The following ALK variants were observed in gnomAD, a reference collection of about 807,000 sequenced individuals.
The protein encoded by ALK is ALK tyrosine kinase receptor.
A neutral mutation model predicts 163.1 loss-of-function variants in ALK; 74 were observed. The ratio of observed to expected loss-of-function variants is 0.45; its 90% CI spans 0.38 to 0.55. ALK has a LOEUF of 0.55. Ranked by LOEUF, ALK falls within the 20% of genes least tolerant of loss-of-function variation. The probability of loss-of-function intolerance (pLI) is 0.00; values close to 1 mark genes in which losing one functional copy is unlikely to be tolerated. For synonymous variants in ALK, 960 were observed against 843.2 expected, an observed-to-expected ratio of 1.14 and a Z score of -2.40; for missense variants, 2,063 against 2,105.3, an observed-to-expected ratio of 0.98 and a Z score of 0.39.
intron 2 of ALK, among the ~76,000 whole-genome samples, chr2:29,697,535 C>T (rs539502074): frequency 1.7e-4 from 26 of 152,266 alleles, no homozygotes; most frequent in African/African-American, 5.5e-4. Flanking sequence ...TTTGCCATGG[C>T]GGGCTCTCAA....
chr2:29,214,305 C>T (rs761673118), intron 23 of ALK, among the ~76,000 whole-genome samples: 2 of 152,182 alleles, frequency 1.3e-5, no homozygotes, highest in Non-Finnish European at 2.9e-5. Context: ...AGTATTTGTA[C>T]ATTTGAAGTC....
chr2:29,899,047 G>A (rs1181189840), intron 1 of ALK, among the ~76,000 whole-genome samples: 1 of 152,140 alleles, frequency 6.6e-6, no homozygotes, highest in Non-Finnish European at 1.5e-5. Context: ...TCAAATCAAT[G>A]CATTTCAATG....
intron 3 of ALK, among the ~76,000 whole-genome samples, chr2:29,590,293 T>C (rs144876611): frequency 1.0e-3 from 157 of 152,356 alleles, no homozygotes; most frequent in African/African-American, 3.6e-3. Flanking sequence ...TGTATTGCAT[T>C]AATTACTCTA....
At chr2:29,404,053 C>T (rs550970277) in intron 4 of ALK, among the ~76,000 whole-genome samples, 1 of 152,274 alleles carries the variant, frequency 6.6e-6, no homozygotes, top group Admixed American at 6.5e-5. Flanking sequence ...CCTGTAATCC[C>T]AGCACTTTGG....
chr2:29,324,411 A>G (rs548347901), intron 6 of ALK, among the ~76,000 whole-genome samples: 1 of 152,354 alleles, frequency 6.6e-6, no homozygotes, highest in South Asian at 2.1e-4. Flanking sequence ...TCAAAATATT[A>G]CAGTTATCTC....
intron 1 of ALK, among the ~76,000 whole-genome samples, chr2:29,789,055 G>GTGTGTGTC (rs1664121150): frequency 6.7e-6 from 1 of 150,148 alleles, no homozygotes; most frequent in Non-Finnish European, 1.5e-5. Flanking sequence ...GTGTGTGTGT[G>GTGTGTGTC]TCTGTATGCA....
At chr2:29,438,148 C>T (rs1044426622) in intron 4 of ALK, among the ~76,000 whole-genome samples, 7 of 146,984 alleles carry the variant, frequency 4.8e-5, no homozygotes, top group South Asian at 2.2e-4. Context: ...GAAGCAAATA[C>T]CTTAGACTGA....
At position 29,676,654 on chromosome 2, in the gene ALK, A is replaced by C. The variant is rs138409671; in HGVS notation, c.952+18196T>G. On this transcript the variant is annotated intron_variant, in intron 3 of 28. Transcript: ENST00000389048. ...GTCTATTCCAGGTCTTTTCCATATA[A>C]ATTTTAAGTTACGAAATAAAAAAGC... is the stretch of plus-strand genomic sequence containing the variant. Among the ~76,000 whole-genome samples, 1,426 of 152,074 alleles carry C rather than the reference A, an allele frequency of 9.4e-3. 19 individuals carry two copies. Among genetic ancestry groups the C allele is most frequent in the African/African-American group, 0.033 (1,362 of 41,518 alleles).
Position 29,218,967 on chromosome 2 carries a change from G to T in ALK, c.3645+1739C>A, listed in dbSNP as rs549587295. Among the ~76,000 whole-genome samples, 8 of 152,346 alleles carry T rather than the reference G, an allele frequency of 5.3e-5. No individual in the cohort carries two copies. In the South Asian group the frequency reaches 1.7e-3, roughly 32 times the overall value. The stretch of plus-strand genomic sequence containing the variant: ...TTGATAGTTTACAGCTTCCCAGAGG[G>T]GACCACTGGATAAGCAGTAAGTTGG... On this transcript the variant is annotated intron_variant, in intron 23 of 28. Transcript: ENST00000389048.
intron 1 of ALK, among the ~76,000 whole-genome samples, chr2:29,724,386 G>C (rs1319767025): frequency 6.6e-6 from 1 of 152,184 alleles, no homozygotes. Context: ...CAAATAAATA[G>C]TGGTCTGGAT....
chr2:29,265,500 C>T (rs1665199634), intron 11 of ALK, among the ~76,000 whole-genome samples: 1 of 152,302 alleles, frequency 6.6e-6, no homozygotes, highest in South Asian at 2.1e-4. Flanking sequence ...TATTTTGACG[C>T]TCAGGGAGTT....
At chr2:29,847,886 T>G (rs2148398780) in intron 1 of ALK, among the ~76,000 whole-genome samples, 2 of 145,128 alleles carry the variant, frequency 1.4e-5, no homozygotes, top group African/African-American at 5.1e-5. Flanking sequence ...GAGAGGAGGA[T>G]GAGGGTGGGG....
At position 29,920,400 on chromosome 2, in the gene ALK, G is replaced by T; in HGVS notation, c.260C>A (p.Ala87Asp). The T allele has an allele frequency of 6.3e-7, 1 of 1,576,190 alleles. No homozygotes were observed. The change falls in exon 1 of 29, where the codon GCC becomes GAC. Residue 87 changes from alanine (A) to aspartate (D), a missense_variant. Ala to Asp is a moderately radical substitution (Grantham distance 126, BLOSUM62 -2). Around this residue, in one of 5 missense-constraint regions of ALK, gnomAD observed 987 missense variants for 939.5 expected, o/e 1.05. Transcript: ENST00000389048. ...SSELKAGRPE[A>D]RGSLALDCAP... ...GCAGTCCAGAGCTAGCGAGCCGCGG[G>T]CCTCGGGCCTGCCAGCCTTCAGCTC...
At chr2:29,213,598 T>C (rs72852019) in intron 24 of ALK, among the ~76,000 whole-genome samples, 3,361 of 152,308 alleles carry the variant, frequency 0.022, 111 homozygotes, top group African/African-American at 0.071. Flanking sequence ...GAATAACTTA[T>C]AGGTCTCCAG....
At chr2:29,520,662 G>T (rs1290572275) in intron 4 of ALK, among the ~76,000 whole-genome samples, 1 of 152,192 alleles carries the variant, frequency 6.6e-6, no homozygotes, top group African/African-American at 2.4e-5. Context: ...TATTGTTCTT[G>T]ATGGTCGGGA....
chr2:29,390,975 C>A (rs114831174), intron 4 of ALK, among the ~76,000 whole-genome samples: 4 of 152,030 alleles, frequency 2.6e-5, no homozygotes, highest in Non-Finnish European at 4.4e-5. Context: ...GGTTTCAGGT[C>A]GAAAGGGGAT....
chr2:29,639,211 G>A (rs1056138715), intron 3 of ALK, among the ~76,000 whole-genome samples: 2 of 152,020 alleles, frequency 1.3e-5, no homozygotes, highest in South Asian at 2.1e-4. Context: ...CATGGAGGTC[G>A]GCATCACTCA....
intron 1 of ALK, among the ~76,000 whole-genome samples, chr2:29,819,065 T>C (rs796083984): frequency 6.6e-6 from 1 of 152,196 alleles, no homozygotes; most frequent in Non-Finnish European, 1.5e-5. Flanking sequence ...ATCTTGTTGC[T>C]GAAAGTGTAG....
intron 3 of ALK, among the ~76,000 whole-genome samples, chr2:29,532,589 T>C (rs983477117): frequency 5.9e-5 from 9 of 152,210 alleles, no homozygotes; most frequent in Non-Finnish European, 5.9e-5. Context: ...CTCTTGAGCC[T>C]ATGAGTCATG....
Sources: gnomAD v4.1 joint callset for allele counts (sites outside exome capture counted in the v4.1 genomes callset) on GRCh38, gnomAD v4.1.1 for gene constraint, gnomAD v4.1.1 regional missense constraint, MANE v1.5 for transcripts, NCBI Gene and HGNC (gene_info 2026-07-23, HGNC 2026-07-21) for gene names.